The following FAT3 variants were observed in gnomAD, a reference collection of about 807,000 sequenced individuals.
FAT3 encodes protocadherin Fat 3.
In FAT3, 95 loss-of-function variants were observed where a neutral mutation model predicts 310.2. The ratio of observed to expected loss-of-function variants is 0.31; its 90% CI spans 0.26 to 0.36. The LOEUF is 0.36. Among genes scored for constraint, FAT3 ranks in the 10% least tolerant of loss-of-function variants. The pLI is 1.00. For synonymous variants in FAT3, 2,314 were observed against 2,192.9 expected, an observed-to-expected ratio of 1.06 and a Z score of -1.54; for missense variants, 5,408 against 5,715.6, an observed-to-expected ratio of 0.95 and a Z score of 1.74.
intron 7 of FAT3, among the ~76,000 whole-genome samples, chr11:92,780,011 A>G (rs554725164): frequency 6.6e-6 from 1 of 152,272 alleles, no homozygotes; most frequent in East Asian, 1.9e-4. Flanking sequence ...ATTCGGTCAA[A>G]CAACCTGAAT....
intron 2 of FAT3, among the ~76,000 whole-genome samples, chr11:92,491,111 T>G (rs1444114431): frequency 6.6e-6 from 1 of 151,894 alleles, no homozygotes; most frequent in Non-Finnish European, 1.5e-5. Context: ...CAGAGAAAAA[T>G]GGGATTAGGA....
At chr11:92,479,342 TA>T (rs1480763202) in intron 2 of FAT3, among the ~76,000 whole-genome samples, 1 of 152,020 alleles carries the variant, frequency 6.6e-6, no homozygotes, top group East Asian at 1.9e-4. Flanking sequence ...GAAATACAAC[TA>T]AAATGTTCAG....
intron 1 of FAT3, among the ~76,000 whole-genome samples, chr11:92,260,368 A>G (rs950792946): frequency 1.3e-5 from 2 of 152,082 alleles, no homozygotes; most frequent in African/African-American, 4.8e-5. Flanking sequence ...ATTTTGCCCT[A>G]TGGGGAAAAG....
chr11:92,469,199 C>T (rs528595127), intron 2 of FAT3, among the ~76,000 whole-genome samples: 83 of 152,224 alleles, frequency 5.5e-4, no homozygotes, highest in African/African-American at 1.9e-3. Flanking sequence ...CAAAATTGTT[C>T]AGGAACTCAT....
chr11:92,471,085 T>G (rs1591333665), intron 2 of FAT3, among the ~76,000 whole-genome samples: 1 of 152,316 alleles, frequency 6.6e-6, no homozygotes, highest in Admixed American at 6.5e-5. Context: ...TGTCCATCCC[T>G]TTGTGTTGGA....
chr11:92,477,050 T>C (rs998508651), intron 2 of FAT3, among the ~76,000 whole-genome samples: 1 of 152,242 alleles, frequency 6.6e-6, no homozygotes, highest in Admixed American at 6.5e-5. Context: ...CTCCATATGC[T>C]ACCTTTTAGC....
Position 92,882,587 on chromosome 11 carries a change from C to CCCA in FAT3, c.12282-149_12282-148insACC, listed in dbSNP as rs1555169681. 31 of 500,464 alleles carry CCCA rather than the reference C, an allele frequency of 6.2e-5. 2 individuals carry two copies. The African/African-American group carries it at 6.5e-4, about 11-fold the overall frequency. 31.0% of individuals were successfully genotyped at this position (500,464 alleles called of 1,614,324 possible). A position where few individuals can be genotyped will look rare whatever the true frequency, so the allele number is the denominator to read the frequency against. ...GAAATGCCTAAATTAACTCCCCCTC[C>CCCA]CCCCCCCCACCAACCATCTTTGTCC... On this transcript the variant is annotated intron_variant, in intron 23 of 27. Transcript: ENST00000525166.
chr11:92,574,668 T>C (rs1938374748), intron 3 of FAT3, among the ~76,000 whole-genome samples: 1 of 152,150 alleles, frequency 6.6e-6, no homozygotes, highest in East Asian at 1.9e-4. Context: ...GGGTTTGAGG[T>C]CAAGCCAAAT....
intron 13 of FAT3, among the ~76,000 whole-genome samples, chr11:92,827,610 C>A (rs916346802): frequency 6.6e-6 from 1 of 152,190 alleles, no homozygotes; most frequent in Non-Finnish European, 1.5e-5. Flanking sequence ...TACAGTCCCA[C>A]GTCCAAAAAG....
intron 13 of FAT3, among the ~76,000 whole-genome samples, chr11:92,824,344 G>A (rs1948048943): frequency 6.6e-6 from 1 of 151,908 alleles, no homozygotes; most frequent in African/African-American, 2.4e-5. Flanking sequence ...GTGACAGAGT[G>A]AGACTCTGTC....
At chr11:92,552,113 A>C (rs1954841738) in intron 3 of FAT3, among the ~76,000 whole-genome samples, 1 of 152,212 alleles carries the variant, frequency 6.6e-6, no homozygotes, top group Non-Finnish European at 1.5e-5. Context: ...CATCTAAAAA[A>C]TTGCTAACAT....
At position 92,306,636 on chromosome 11, in the gene FAT3, T is replaced by C. The variant is rs984617971; in HGVS notation, c.-17-45460T>C. On this transcript the variant is annotated intron_variant, in intron 1 of 27. Coordinates refer to ENST00000525166, the MANE Select transcript of FAT3 (RefSeq NM_001367949.2). Reference sequence around the variant, plus strand: ...TTATATATTTATATTATATTTATATTATATATATTATATATATTATATATA... The same window carrying C: ...TTATATATTTATATTATATTTATATCATATATATTATATATATTATATATA... Among the ~76,000 whole-genome samples the C allele has an allele frequency of 2.4e-4, 29 of 122,286 alleles. No homozygotes were observed. In the East Asian group the frequency reaches 3.6e-3, roughly 15 times the overall value. 80.2% of individuals were successfully genotyped at this position (122,286 alleles called of 152,430 possible). A position where few individuals can be genotyped will look rare whatever the true frequency, so the allele number is the denominator to read the frequency against.
intron 2 of FAT3, among the ~76,000 whole-genome samples, chr11:92,496,619 G>A (rs1952773696): frequency 6.6e-6 from 1 of 152,012 alleles, no homozygotes; most frequent in Admixed American, 6.6e-5. Context: ...AACCGTGACT[G>A]CGGTGAGCCT....
intron 4 of FAT3, among the ~76,000 whole-genome samples, chr11:92,727,337 T>G (rs1945029708): frequency 6.6e-6 from 1 of 152,090 alleles, no homozygotes; most frequent in African/African-American, 2.4e-5. Context: ...ACATGGTGAT[T>G]GAGACAGACA....
At chr11:92,315,940 A>G (rs998986418) in intron 1 of FAT3, among the ~76,000 whole-genome samples, 3 of 152,166 alleles carry the variant, frequency 2.0e-5, no homozygotes, top group African/African-American at 7.2e-5. Flanking sequence ...AAATTGTATT[A>G]AATGAACTTT....
rs372901834 is a variant in FAT3 at position 92,544,946 on chromosome 11, G to A, written c.3607+19998G>A. Among the ~76,000 whole-genome samples the A allele has an allele frequency of 1.9e-4, 29 of 152,286 alleles. 2 individuals are homozygous for A. Among genetic ancestry groups the A allele is most frequent in the Admixed American group, 1.1e-3 (17 of 15,290 alleles). The stretch of plus-strand genomic sequence containing the variant: ...GCTGTTGGAGGCATGTGTTGATAAT[G>A]CTCACTGTTTTACAGATGCTTAAAG... On this transcript the variant is annotated intron_variant, in intron 3 of 27. Coordinates refer to ENST00000525166, the MANE Select transcript of FAT3 (RefSeq NM_001367949.2).
chr11:92,557,165 G>T lies in FAT3; in HGVS notation c.3607+32217G>T, dbSNP rs144609382. 1.9e-4 allele frequency among the ~76,000 whole-genome samples: 29 copies of T among 152,088 alleles called. No individual in the cohort carries two copies. The South Asian group carries it at 5.8e-3, about 31-fold the overall frequency. On this transcript the variant is annotated intron_variant, in intron 3 of 27. Coordinates refer to ENST00000525166, the MANE Select transcript of FAT3 (RefSeq NM_001367949.2). Reference sequence around the variant, plus strand: ...CCCTCCTCCATCTTCACCTTCTGCAGAATAACTTGGTTCGGATTTTATGGA... The same window carrying T: ...CCCTCCTCCATCTTCACCTTCTGCATAATAACTTGGTTCGGATTTTATGGA...
At position 92,731,026 on chromosome 11, in the gene FAT3, C is replaced by T. The variant is rs570137891; in HGVS notation, c.3670-30830C>T. 3.3e-5 allele frequency among the ~76,000 whole-genome samples: 5 copies of T among 152,248 alleles called. 1 individual carries two copies. In the East Asian group the frequency reaches 7.7e-4, roughly 24 times the overall value. ...TGTGTTGTCTTCCCTATCACCCACC[C>T]CTTCACCCACCAACTTGCATTTATT... On this transcript the variant is annotated intron_variant, in intron 4 of 27. Transcript: ENST00000525166.
chr11:92,571,486 A>G (rs1301088537), intron 3 of FAT3, among the ~76,000 whole-genome samples: 1 of 152,220 alleles, frequency 6.6e-6, no homozygotes, highest in South Asian at 2.1e-4. Context: ...GTTAGCCCCA[A>G]CTGGAAAGGT....
Sources: gnomAD v4.1 joint callset for allele counts (sites outside exome capture counted in the v4.1 genomes callset) on GRCh38, gnomAD v4.1.1 for gene constraint, MANE v1.5 for transcripts, NCBI Gene and HGNC (gene_info 2026-07-23, HGNC 2026-07-21) for gene names.